VPS13A: variants seen among roughly 807,000 people sequenced by gnomAD.
VPS13A encodes the protein vacuolar protein sorting 13 homolog A.
A neutral mutation model predicts 390.9 loss-of-function variants in VPS13A; 264 were observed. The ratio of observed to expected loss-of-function variants is 0.68; its 90% confidence interval spans 0.61 to 0.75. The LOEUF is 0.75. Ranked by LOEUF, VPS13A falls within the 30% of genes least tolerant of loss-of-function variation. VPS13A has a pLI of 0.00. For synonymous variants in VPS13A, 1,231 were observed against 1,227.1 expected, an observed-to-expected ratio of 1.00 and a Z score of -0.07; for missense variants, 3,409 against 3,733.9, an observed-to-expected ratio of 0.91 and a Z score of 2.27.
chr9:77,336,111 C>G (rs1240041355), intron 46 of VPS13A, among the ~76,000 whole-genome samples: 1 of 152,134 alleles, frequency 6.6e-6, no homozygotes, highest in African/African-American at 2.4e-5. Flanking sequence ...GAACAAAAAA[C>G]CAAACACCGC....
chr9:77,382,763 T>C (rs1833508541), intron 68 of VPS13A: 1 of 985,608 alleles, frequency 1.0e-6, no homozygotes, highest in Non-Finnish European at 1.2e-6. Context: ...ATAAAACTTG[T>C]GGGATTTGAT....
intron 10 of VPS13A, among the ~76,000 whole-genome samples, chr9:77,215,587 A>G (rs1463260706): frequency 6.6e-6 from 1 of 152,212 alleles, no homozygotes; most frequent in Admixed American, 6.5e-5. Context: ...ATTTAATATA[A>G]AGAATTACCA....
chr9:77,345,291 C>G, intron 52 of VPS13A, 149 bp downstream of exon 52: 1 of 867,982 alleles, frequency 1.2e-6, no homozygotes, highest in African/African-American at 1.7e-5. Flanking sequence ...GTACTTGAAG[C>G]ATGTAGGGGT....
chr9:77,266,780 C>T (rs1323350791), intron 23 of VPS13A, among the ~76,000 whole-genome samples: 6 of 152,124 alleles, frequency 3.9e-5, no homozygotes, highest in Non-Finnish European at 5.9e-5. Flanking sequence ...CTATTGTCCC[C>T]GTCACTTTCA....
At chr9:77,412,588 G>A (rs1192136436) in intron 71 of VPS13A, among the ~76,000 whole-genome samples, 1 of 152,154 alleles carries the variant, frequency 6.6e-6, no homozygotes, top group African/African-American at 2.4e-5. Flanking sequence ...AGGTATTGAT[G>A]GGATGTATCT....
intron 23 of VPS13A, among the ~76,000 whole-genome samples, chr9:77,270,620 G>T (rs1826292700): frequency 6.6e-6 from 1 of 152,146 alleles, no homozygotes; most frequent in South Asian, 2.1e-4. Flanking sequence ...GAACCTGGGA[G>T]GCGGAGGTTG....
In VPS13A at chr9:77,199,962, A is replaced by C. The variant is rs368914910; in HGVS notation, c.118A>C (p.Asn40His). 8.1e-6 allele frequency: 13 copies of C among 1,608,328 alleles called. No individual in the cohort carries two copies. The African/African-American group carries it at 1.5e-4, about 18-fold the overall frequency. ...GIWKGAVALKNLQIKENALSQ... is the reference protein window; with the variant it reads ...GIWKGAVALKHLQIKENALSQ... Reference sequence around the variant, plus strand: ...TTTTTTAGGAGCTGTGGCCCTCAAGAATCTTCAAATTAAAGAAAATGCCCT... The same window carrying C: ...TTTTTTAGGAGCTGTGGCCCTCAAGCATCTTCAAATTAAAGAAAATGCCCT... The change falls in exon 2 of 72, where the codon AAT (asparagine) becomes CAT (histidine). Residue 40 changes from asparagine to histidine, a missense_variant. Asn to His is a moderately conservative substitution (Grantham distance 68, BLOSUM62 1). Coordinates refer to ENST00000360280, the MANE Select transcript of VPS13A (RefSeq NM_033305.3).
chr9:77,201,260 A>G, intron 2 of VPS13A, 105 bp from the exon 3 acceptor site: 1 of 765,188 alleles, frequency 1.3e-6, no homozygotes, highest in South Asian at 1.7e-5. Flanking sequence ...GTGTAAGTTT[A>G]TTAAAAAATC....
chr9:77,407,673 T>G lies in VPS13A; in HGVS notation c.9474+66T>G, dbSNP rs1043783826. The G allele has an allele frequency of 7.3e-6, 9 of 1,224,836 alleles. No homozygotes were observed. The African/African-American group carries it at 1.4e-4, about 19-fold the overall frequency. The allele number at this position is 1,224,836 out of a possible 1,614,324, so 75.9% of individuals were successfully genotyped here. A position where few individuals can be genotyped will look rare whatever the true frequency, so the allele number is the denominator to read the frequency against. Reference sequence around the variant, plus strand: ...CTTCAAAATCATGTAAGTGGACTATTTTTTAATGCAGATAAGTTTTGTTTG... The same window carrying G: ...CTTCAAAATCATGTAAGTGGACTATGTTTTAATGCAGATAAGTTTTGTTTG... On this transcript the variant is annotated intron_variant, in intron 71 of 71. Coordinates refer to ENST00000360280, the MANE Select transcript of VPS13A (RefSeq NM_033305.3).
intron 65 of VPS13A, 40 bp downstream of exon 65, chr9:77,370,618 T>C (rs749645128): frequency 3.7e-6 from 6 of 1,612,810 alleles, no homozygotes; most frequent in East Asian, 2.2e-5. Context: ...TTGGGAAATA[T>C]CTTTTAAACA....
intron 68 of VPS13A, among the ~76,000 whole-genome samples, chr9:77,385,543 A>G (rs915553695): frequency 1.3e-5 from 2 of 152,076 alleles, no homozygotes; most frequent in African/African-American, 2.4e-5. Flanking sequence ...TATCTCTGAA[A>G]GATCCATTAG....
At chr9:77,367,942 C>T in intron 61 of VPS13A, 113 bp from the exon 62 acceptor site, 1 of 992,986 alleles carries the variant, frequency 1.0e-6, no homozygotes, top group South Asian at 1.4e-5. Flanking sequence ...GGAAAATGTA[C>T]TAGAAGGAAA....
At chr9:77,411,639 G>C (rs946804015) in intron 71 of VPS13A, among the ~76,000 whole-genome samples, 3 of 106,152 alleles carry the variant, frequency 2.8e-5, no homozygotes, top group African/African-American at 1.2e-4. Context: ...CTCCAGCCTA[G>C]GCAACAGCAA....
chr9:77,386,417 T>C (rs887756568), intron 68 of VPS13A, among the ~76,000 whole-genome samples: 1 of 152,100 alleles, frequency 6.6e-6, no homozygotes, highest in Non-Finnish European at 1.5e-5. Flanking sequence ...AAATTTACTG[T>C]GCTTGGCCTG....
At chr9:77,311,731 A>G (rs886529622) in intron 35 of VPS13A, among the ~76,000 whole-genome samples, 3 of 152,220 alleles carry the variant, frequency 2.0e-5, no homozygotes, top group African/African-American at 7.2e-5. Flanking sequence ...AAATTGACAT[A>G]ATTAATGTAA....
At chr9:77,369,970 G>C (rs1292404248) in intron 63 of VPS13A, among the ~76,000 whole-genome samples, 1 of 152,132 alleles carries the variant, frequency 6.6e-6, no homozygotes, top group Non-Finnish European at 1.5e-5. Flanking sequence ...AACTGTGCTT[G>C]CATTTTGCTC....
At chr9:77,365,967 A>C (rs1015384763) in intron 60 of VPS13A, among the ~76,000 whole-genome samples, 3 of 152,138 alleles carry the variant, frequency 2.0e-5, no homozygotes, top group African/African-American at 7.2e-5. Flanking sequence ...CTAATTATAC[A>C]ATAATAGAAG....
chr9:77,210,579 A>G, intron 6 of VPS13A, 37 bp from the exon 7 acceptor site: 1 of 1,600,646 alleles, frequency 6.2e-7, no homozygotes, highest in Non-Finnish European at 8.6e-7. Flanking sequence ...TCCAACTACT[A>G]AAAATCTGAA....
At chr9:77,388,870 C>G (rs1453048751) in intron 68 of VPS13A, among the ~76,000 whole-genome samples, 1 of 152,104 alleles carries the variant, frequency 6.6e-6, no homozygotes, top group Middle Eastern at 3.2e-3. Context: ...TAAAACTTGG[C>G]ATTTCTATGA....
Sources: allele counts gnomAD v4.1 joint callset (sites outside exome capture counted in the v4.1 genomes callset), GRCh38; gene constraint gnomAD v4.1.1; transcripts MANE v1.5; gene names NCBI Gene and HGNC (gene_info 2026-07-23, HGNC 2026-07-21).